Variants in WASHC2C observed in about 807,000 individuals in gnomAD.
WASHC2C encodes WASH complex subunit 2C.
Under a neutral mutation model 142.2 loss-of-function variants are expected in WASHC2C, and 73 were observed. That is an observed-to-expected ratio of 0.51 (90% CI 0.43 to 0.62). The LOEUF (loss-of-function observed/expected upper bound fraction) is 0.62, where lower values mean the gene tolerates loss of function less well. Among genes scored for constraint, WASHC2C ranks in the 20% least tolerant of loss-of-function variants. WASHC2C has a pLI of 0.00. For missense variants in WASHC2C, 969 were observed against 1,531.7 expected (o/e 0.63, Z 6.13); for synonymous variants, 337 against 565.5 (o/e 0.60, Z 5.73).
rs1304051607 is a variant in WASHC2C, at chr10:45,754,536, G to A, written c.1231G>A (p.Val411Ile). The change falls in exon 14 of 31, where the codon GTA becomes ATA. Residue 411 changes from valine (V) to isoleucine (I), a missense_variant. Val to Ile is a conservative substitution (Grantham distance 29). Coordinates refer to ENST00000623400, the MANE Select transcript of WASHC2C (RefSeq NM_001330074.2). ...GAAAATCCCAGCAGGAGCTGTTTCT[G>A]TATTTTTAGGTAACATAACTTAGGT... is the stretch of plus-strand genomic sequence containing the variant. Reference protein sequence around the residue: ...GKKIPAGAVSVFLGDTDVFGA... With the variant: ...GKKIPAGAVSIFLGDTDVFGA... The A allele has an allele frequency of 6.3e-7, 1 of 1,597,066 alleles. No individual in the cohort carries two copies.
At chr10:45,737,744 T>C (rs1472971013) in intron 3 of WASHC2C, among the ~76,000 whole-genome samples, 1 of 151,956 alleles carries the variant, frequency 6.6e-6, no homozygotes, top group Non-Finnish European at 1.5e-5. Flanking sequence ...AGTTTCATCA[T>C]GTTTCCTAGT....
chr10:45,789,553 A>C (rs1564835094), intron 29 of WASHC2C, 62 bp downstream of exon 29: 3 of 1,607,206 alleles, frequency 1.9e-6, no homozygotes, highest in Non-Finnish European at 2.5e-6. Context: ...TGATTGGCTT[A>C]TTTGAGCCAT....
chr10:45,728,317 C>G (rs1225922883), intron 2 of WASHC2C, among the ~76,000 whole-genome samples: 2 of 152,190 alleles, frequency 1.3e-5, no homozygotes, highest in Non-Finnish European at 2.9e-5. Context: ...GCGTGAGCCA[C>G]CATACCCAGT....
Position 45,792,499 on chromosome 10 carries a change from T to C in WASHC2C, c.*99T>C. ...TCTTAACTGGATTACAAAAAGCAAA[T>C]ACTAGAACAGCTAGCTCATCTTTTA... On this transcript the variant is annotated 3_prime_UTR_variant, in exon 31 of 31. Coordinates refer to ENST00000623400, the MANE Select transcript of WASHC2C (RefSeq NM_001330074.2). 1 of 1,514,312 alleles carries C rather than the reference T, an allele frequency of 6.6e-7. No homozygotes were observed. The highest frequency in any genetic ancestry group is 2.0e-5 in the Admixed American group (1 of 49,486). The allele number at this position is 1,514,312 out of a possible 1,614,324, so 93.8% of individuals were successfully genotyped here.
intron 19 of WASHC2C, among the ~76,000 whole-genome samples, chr10:45,766,555 G>A (rs1262247628): frequency 4.5e-4 from 65 of 145,314 alleles, no homozygotes; most frequent in East Asian, 1.8e-3. Flanking sequence ...AGCATGTCCC[G>A]TATACCCCAA....
chr10:45,739,840 C>T (rs2051773551), intron 4 of WASHC2C, among the ~76,000 whole-genome samples: 1 of 151,556 alleles, frequency 6.6e-6, no homozygotes. Flanking sequence ...GACCCTTGAG[C>T]TCTGGAACCT....
chr10:45,744,967 CTG>C (rs1166750875), intron 7 of WASHC2C, 85 bp downstream of exon 7: 1 of 400,136 alleles, frequency 2.5e-6, no homozygotes. Flanking sequence ...AATAGCATAA[CTG>C]TGAATTCGTA....
chr10:45,762,680 C>G (rs568538463), intron 17 of WASHC2C, among the ~76,000 whole-genome samples: 5 of 152,024 alleles, frequency 3.3e-5, no homozygotes. Flanking sequence ...CCGAGGCGGG[C>G]GGATCACAAG....
rs868940543 is a variant in WASHC2C at position 45,739,361 on chromosome 10, G to T, written c.355-712G>T. On this transcript the variant is annotated intron_variant, in intron 4 of 30. Transcript: ENST00000623400. The stretch of plus-strand genomic sequence containing the variant: ...GGTTCCTTCTAGAATATTTGTAGAG[G>T]GGGAAATGACACTAAATATTTTTCG... Among the ~76,000 whole-genome samples, 9 of 150,432 alleles carry T rather than the reference G, an allele frequency of 6.0e-5. No homozygotes were observed. In the Middle Eastern group the frequency reaches 0.014, roughly 231 times the overall value.
chr10:45,791,823 G>A lies in WASHC2C; in HGVS notation c.3887-438G>A, dbSNP rs1192224000. On this transcript the variant is annotated intron_variant, in intron 30 of 30. Coordinates refer to ENST00000623400, the MANE Select transcript of WASHC2C (RefSeq NM_001330074.2). ...TGACGGAGGCTTACAGTCTTACATC[G>A]AGATGCCTCAAATCAGTGCATTTAT... is the stretch of plus-strand genomic sequence containing the variant. 1.4e-5 allele frequency among the ~76,000 whole-genome samples: 2 copies of A among 146,006 alleles called. 1 individual carries two copies. Among genetic ancestry groups the A allele is most frequent in the Non-Finnish European group, 3.0e-5 (2 of 65,626 alleles).
At chr10:45,788,389 C>G (rs557192864) in intron 28 of WASHC2C, among the ~76,000 whole-genome samples, 1 of 152,344 alleles carries the variant, frequency 6.6e-6, no homozygotes, top group Admixed American at 6.5e-5. Flanking sequence ...TAGATTACCT[C>G]TCTTTATTGT....
At chr10:45,768,717 T>G (rs1286369995) in intron 19 of WASHC2C, among the ~76,000 whole-genome samples, 5 of 151,668 alleles carry the variant, frequency 3.3e-5, no homozygotes, top group Admixed American at 3.3e-4. Context: ...GTTGCGTGAG[T>G]TTTTACACTT....
At chr10:45,771,364 CAA>C (rs58095251) in intron 20 of WASHC2C, among the ~76,000 whole-genome samples, 908 of 39,934 alleles carry the variant, frequency 0.023, no homozygotes, top group African/African-American at 0.061. Flanking sequence ...GACTCCATCT[CAA>C]AAAAAAAAAA....
chr10:45,731,619 C>T (rs1489551830), intron 3 of WASHC2C, among the ~76,000 whole-genome samples: 3 of 151,528 alleles, frequency 2.0e-5, no homozygotes, highest in South Asian at 2.1e-4. Context: ...AACTCTTCTC[C>T]GGATGTGCTG....
intron 4 of WASHC2C, among the ~76,000 whole-genome samples, chr10:45,739,282 G>T (rs1377939797): frequency 6.7e-6 from 1 of 148,908 alleles, no homozygotes; most frequent in Admixed American, 6.7e-5. Flanking sequence ...TAAAATGCTC[G>T]TAGGGTTTTT....
At chr10:45,742,987 G>T (rs1462146797) in intron 5 of WASHC2C, among the ~76,000 whole-genome samples, 4 of 150,432 alleles carry the variant, frequency 2.7e-5, no homozygotes, top group African/African-American at 9.8e-5. Context: ...TGATTCTCCT[G>T]CCTCAGCCTC....
chr10:45,754,373 G>C lies in WASHC2C; in HGVS notation c.1181-113G>C. 8.3e-6 allele frequency: 13 copies of C among 1,565,600 alleles called. 1 individual carries two copies. The highest frequency in any genetic ancestry group is 1.1e-5 in the Non-Finnish European group (13 of 1,154,648). On this transcript the variant is annotated intron_variant, in intron 13 of 30. Transcript: ENST00000623400. The stretch of plus-strand genomic sequence containing the variant: ...AAAATGGCTTGTTCAGGAAAAAGTA[G>C]TTTCAAAAGGTCTGGTACTAGCTGT...
Position 45,790,370 on chromosome 10 carries a change from T to C in WASHC2C, c.3723T>C (p.Ala1241=). 2 of 1,608,532 alleles carry C rather than the reference T, an allele frequency of 1.2e-6. No homozygotes were observed. Among genetic ancestry groups the C allele is most frequent in the Non-Finnish European group, 1.7e-6 (2 of 1,179,140 alleles). The change falls in exon 30 of 31, where the codon GCT becomes GCC. Residue 1241 remains alanine (A), a synonymous_variant. Transcript: ENST00000623400. ...TQDIFEDDIF[A]TEAIKPSQKT... is the part of the protein sequence containing the mutation. ...GGCTTAACAAGGATGATATATTTGC[T>C]ACGGAAGCAATTAAACCCTCTCAGA...
At chr10:45,736,660 C>T (rs1242350424) in intron 3 of WASHC2C, among the ~76,000 whole-genome samples, 8 of 151,948 alleles carry the variant, frequency 5.3e-5, no homozygotes, top group Non-Finnish European at 8.8e-5. Flanking sequence ...CACGTGTTAG[C>T]TTATATTTGT....
Sources: gnomAD v4.1 joint callset for allele counts (sites outside exome capture counted in the v4.1 genomes callset) on GRCh38, gnomAD v4.1.1 for gene constraint, MANE v1.5 for transcripts, NCBI Gene and HGNC (gene_info 2026-07-23, HGNC 2026-07-21) for gene names.